The following NAALADL2 variants were observed in gnomAD, a reference collection of about 807,000 sequenced individuals.
The protein encoded by NAALADL2 is inactive N-acetylated-alpha-linked acidic dipeptidase-like protein 2.
A neutral mutation model predicts 87.2 loss-of-function variants in NAALADL2; 76 were observed. The observed-to-expected ratio is 0.87, with a 90% CI of 0.72 to 1.05. NAALADL2 has a LOEUF of 1.05. Ranked by LOEUF, NAALADL2 falls within the 50% of genes least tolerant of loss-of-function variation. NAALADL2 has a pLI of 0.00. For missense variants in NAALADL2, 1,089 were observed against 945.8 expected, an observed-to-expected ratio of 1.15 and a Z score of -1.99; for synonymous variants, 354 against 331.0, an observed-to-expected ratio of 1.07 and a Z score of -0.75.
intron 1 of NAALADL2, among the ~76,000 whole-genome samples, chr3:174,884,385 C>T (rs1449056088): frequency 6.6e-6 from 1 of 152,164 alleles, no homozygotes; most frequent in Non-Finnish European, 1.5e-5. Flanking sequence ...TTCAAAATGC[C>T]ATTCCACCAT....
chr3:174,710,007 T>A (rs1242793809), intron 2 of NAALADL2, among the ~76,000 whole-genome samples: 1 of 152,196 alleles, frequency 6.6e-6, no homozygotes, highest in African/African-American at 2.4e-5. Flanking sequence ...TCACACTGAT[T>A]TAAAAATTGA....
At chr3:175,182,208 T>C (rs1035185759) in intron 2 of NAALADL2, among the ~76,000 whole-genome samples, 1 of 152,114 alleles carries the variant, frequency 6.6e-6, no homozygotes, top group Non-Finnish European at 1.5e-5. Flanking sequence ...TGGAAAAATG[T>C]CTATTCAAGT....
intron 1 of NAALADL2, among the ~76,000 whole-genome samples, chr3:174,538,919 A>G (rs1351998885): frequency 6.6e-6 from 1 of 152,162 alleles, no homozygotes; most frequent in Non-Finnish European, 1.5e-5. Flanking sequence ...CCTAAAATGT[A>G]TGAAACCAAG....
At chr3:174,596,252 G>A (rs945235207) in intron 2 of NAALADL2, among the ~76,000 whole-genome samples, 5 of 151,970 alleles carry the variant, frequency 3.3e-5, no homozygotes, top group Non-Finnish European at 2.9e-5. Flanking sequence ...TAAAGCCAAC[G>A]TGCCAAATGC....
chr3:174,456,943 A>C (rs1044954427), intron 1 of NAALADL2, among the ~76,000 whole-genome samples: 20 of 152,294 alleles, frequency 1.3e-4, no homozygotes, highest in Admixed American at 1.0e-3. Context: ...AATGGGAGAA[A>C]ATGTTTGCAA....
chr3:175,238,684 T>C (rs1469591079), intron 3 of NAALADL2, among the ~76,000 whole-genome samples: 1 of 152,198 alleles, frequency 6.6e-6, no homozygotes, highest in Non-Finnish European at 1.5e-5. Context: ...TTTATATGCC[T>C]GTTTTAGATA....
At chr3:175,190,148 AAT>A (rs57688984) in intron 2 of NAALADL2, among the ~76,000 whole-genome samples, 60 of 148,944 alleles carry the variant, frequency 4.0e-4, no homozygotes, top group Admixed American at 4.7e-4. Flanking sequence ...TGGCCTTGGC[AAT>A]ATATATATAT....
chr3:174,974,553 G>T (rs1401553597), intron 1 of NAALADL2, among the ~76,000 whole-genome samples: 2 of 152,112 alleles, frequency 1.3e-5, no homozygotes, highest in African/African-American at 4.8e-5. Flanking sequence ...ACAGGGACAG[G>T]CACATAGTAG....
chr3:174,931,569 T>TG (rs1736892536), intron 1 of NAALADL2, among the ~76,000 whole-genome samples: 1 of 152,222 alleles, frequency 6.6e-6, no homozygotes, highest in Non-Finnish European at 1.5e-5. Flanking sequence ...ATATGAAGAA[T>TG]GGTTTATTCT....
intron 5 of NAALADL2, among the ~76,000 whole-genome samples, chr3:175,426,456 T>C (rs1032763001): frequency 6.6e-6 from 1 of 152,210 alleles, no homozygotes; most frequent in Non-Finnish European, 1.5e-5. Context: ...TGTTTATGAA[T>C]TCCTTTTTCT....
At chr3:175,402,992 A>G (rs377257595) in intron 5 of NAALADL2, among the ~76,000 whole-genome samples, 2 of 152,206 alleles carry the variant, frequency 1.3e-5, no homozygotes. Context: ...AACAAAACGA[A>G]TGAACTCATG....
At chr3:175,441,350 T>A (rs907506367) in intron 5 of NAALADL2, among the ~76,000 whole-genome samples, 2 of 152,102 alleles carry the variant, frequency 1.3e-5, no homozygotes, top group African/African-American at 2.4e-5. Context: ...TGTGGATAGG[T>A]TATATGAAAA....
At chr3:175,271,041 A>T (rs1383194746) in intron 4 of NAALADL2, 1 of 152,206 alleles carries the variant, frequency 6.6e-6, no homozygotes. Context: ...ATGAATAGGC[A>T]TGCACATTTA....
At chr3:175,627,183 C>A in intron 10 of NAALADL2, 108 bp from the exon 11 acceptor site, 1 of 822,744 alleles carries the variant, frequency 1.2e-6, no homozygotes, top group Non-Finnish European at 2.0e-6. Context: ...TCAACAGAAA[C>A]CTTAAGGCAA....
chr3:175,459,288 G>A lies in NAALADL2; in HGVS notation c.1235-4113G>A, dbSNP rs150857000. On this transcript the variant is annotated intron_variant, in intron 6 of 13. Coordinates refer to ENST00000454872, the MANE Select transcript of NAALADL2 (RefSeq NM_207015.3). The stretch of plus-strand genomic sequence containing the variant: ...AAAATGAGAGGAAATAATAGGTATG[G>A]AAAATAAGATAACTGAAAGAAATAT... 5.5e-3 allele frequency among the ~76,000 whole-genome samples: 830 copies of A among 152,146 alleles called. 5 individuals carry two copies. Among genetic ancestry groups the A allele is most frequent in the Non-Finnish European group, 8.7e-3 (590 of 67,982 alleles).
chr3:174,819,058 C>CTTTTTTTTTTTTTTTTTTT lies in NAALADL2; in HGVS notation c.-9+81322_-9+81340dup, dbSNP rs3040106. On this transcript the variant is annotated intron_variant, in intron 3 of 3. Transcript: ENST00000434257. ...GAATTTCTTTATTATACCATTTATT[C>CTTTTTTTTTTTTTTTTTTT]TTTTTTTTTTTTTTTTTTTTTTTTT... Among the ~76,000 whole-genome samples, 56 of 47,544 alleles carry CTTTTTTTTTTTTTTTTTTT rather than the reference C, an allele frequency of 1.2e-3. 11 individuals are homozygous for CTTTTTTTTTTTTTTTTTTT. Among genetic ancestry groups the CTTTTTTTTTTTTTTTTTTT allele is most frequent in the Non-Finnish European group, 1.5e-3 (38 of 25,124 alleles). 31.2% of individuals were successfully genotyped at this position (47,544 alleles called of 152,430 possible). A position where few individuals can be genotyped will look rare whatever the true frequency, so the allele number is the denominator to read the frequency against.
intron 3 of NAALADL2, among the ~76,000 whole-genome samples, chr3:174,839,108 T>C (rs68172767): frequency 0.18 from 27,187 of 152,028 alleles, 3,009 homozygotes; most frequent in African/African-American, 0.31. Context: ...ATAAGGCCAT[T>C]GTCACCAAAA....
chr3:174,521,571 C>CAAAAAAAAAAAAAAAAAA (rs58465181), intron 1 of NAALADL2, among the ~76,000 whole-genome samples: 8 of 56,194 alleles, frequency 1.4e-4, no homozygotes, highest in Non-Finnish European at 2.2e-4. Context: ...GACCCTGTCT[C>CAAAAAAAAAAAAAAAAAA]AAAAAAAAAA....
intron 11 of NAALADL2, among the ~76,000 whole-genome samples, chr3:175,733,165 G>A (rs1217488793): frequency 6.6e-6 from 1 of 152,142 alleles, no homozygotes; most frequent in African/African-American, 2.4e-5. Context: ...GACTTGAATT[G>A]TGCAAACAAT....
Sources: allele counts gnomAD v4.1 joint callset (sites outside exome capture counted in the v4.1 genomes callset), GRCh38; gene constraint gnomAD v4.1.1; transcripts MANE v1.5; gene names NCBI Gene and HGNC (gene_info 2026-07-23, HGNC 2026-07-21).